RNF19A: variants seen among roughly 807,000 people sequenced by gnomAD.
The protein encoded by RNF19A is ring finger protein 19A, RBR E3 ubiquitin protein ligase.
RNF19A carries 32 observed loss-of-function variants against 75.7 expected under a neutral mutation model. The observed-to-expected ratio is 0.42, with a 90% CI of 0.32 to 0.57. The LOEUF is 0.57. Ranked by LOEUF, RNF19A falls within the 20% of genes least tolerant of loss-of-function variation. The probability of loss-of-function intolerance (pLI) is 0.10; values close to 1 mark genes in which losing one functional copy is unlikely to be tolerated. For missense variants in RNF19A, 782 were observed against 1,036.3 expected (o/e 0.75, Z 3.37); for synonymous variants, 335 against 345.2 (o/e 0.97, Z 0.33).
chr8:100,292,883 T>A (rs570702411), intron 1 of RNF19A, among the ~76,000 whole-genome samples: 1 of 152,320 alleles, frequency 6.6e-6, no homozygotes, highest in East Asian at 1.9e-4. Context: ...TGTTACATAT[T>A]TACTTTCTGG....
intron 1 of RNF19A, among the ~76,000 whole-genome samples, chr8:100,326,142 C>T (rs1822530479): frequency 6.6e-6 from 1 of 152,142 alleles, no homozygotes; most frequent in Admixed American, 6.6e-5. Context: ...TCCAGCCTGG[C>T]TTTCATCACC....
intron 2 of RNF19A, among the ~76,000 whole-genome samples, chr8:100,276,102 T>G (rs186153165): frequency 1.3e-5 from 2 of 152,354 alleles, no homozygotes; most frequent in African/African-American, 4.8e-5. Context: ...TCTTTGGCAT[T>G]TATCCCAAAC....
At chr8:100,311,558 A>G (rs887501813), upstream of RNF19A, among the ~76,000 whole-genome samples, 3 of 151,992 alleles carry the variant, frequency 2.0e-5, no homozygotes, top group South Asian at 6.2e-4. Context: ...CTCTACTAAA[A>G]ATACAAAAAA....
intron 1 of RNF19A, among the ~76,000 whole-genome samples, chr8:100,318,031 C>T (rs1378590150): frequency 6.6e-6 from 1 of 151,896 alleles, no homozygotes; most frequent in East Asian, 1.9e-4. Flanking sequence ...ATGGCTCCTT[C>T]CTCCCCTCAG....
At chr8:100,288,729 G>A (rs144324855) in intron 1 of RNF19A, among the ~76,000 whole-genome samples, 20 of 152,236 alleles carry the variant, frequency 1.3e-4, no homozygotes, top group African/African-American at 4.8e-4. Context: ...CCACAAGGAT[G>A]AATACAAAGA....
chr8:100,316,168 G>A (rs1156755498), intron 1 of RNF19A, among the ~76,000 whole-genome samples: 1 of 151,652 alleles, frequency 6.6e-6, no homozygotes, highest in Non-Finnish European at 1.5e-5. Context: ...TCTTAAGACG[G>A]CGTGTCTGGA....
At chr8:100,298,818 T>A (rs930352964) in intron 1 of RNF19A, among the ~76,000 whole-genome samples, 1 of 152,176 alleles carries the variant, frequency 6.6e-6, no homozygotes, top group East Asian at 1.9e-4. Flanking sequence ...CTCATTCAAT[T>A]TCTCCAATAA....
chr8:100,315,116 C>A (rs1375964690), intron 1 of RNF19A, among the ~76,000 whole-genome samples: 2 of 152,060 alleles, frequency 1.3e-5, no homozygotes, highest in African/African-American at 4.8e-5. Context: ...CATGACAAAA[C>A]CCATCTCTAG....
intron 2 of RNF19A, among the ~76,000 whole-genome samples, chr8:100,283,757 T>A (rs1373447888): frequency 2.0e-5 from 3 of 152,038 alleles, no homozygotes; most frequent in Admixed American, 6.6e-5. Context: ...AAAGAAAAAA[T>A]TCATAATTTC....
At chr8:100,263,939 T>C in intron 7 of RNF19A, 95 bp downstream of exon 7, 2 of 1,020,016 alleles carry the variant, frequency 2.0e-6, no homozygotes, top group South Asian at 1.5e-5. Context: ...AGTAAAAGGA[T>C]GGCAATGGAA....
At chr8:100,316,736 G>A (rs1462952140) in intron 1 of RNF19A, among the ~76,000 whole-genome samples, 1 of 152,258 alleles carries the variant, frequency 6.6e-6, no homozygotes, top group Non-Finnish European at 1.5e-5. Flanking sequence ...CAGGGCTGCA[G>A]TTGGAGCTGC....
At chr8:100,267,677 TC>T (rs1475317621) in intron 5 of RNF19A, among the ~76,000 whole-genome samples, 1 of 128,370 alleles carries the variant, frequency 7.8e-6, no homozygotes, top group Non-Finnish European at 1.7e-5. Flanking sequence ...GCTTGTTAGT[TC>T]TTTTTTTTTT....
chr8:100,281,827 G>T (rs1005591747), intron 2 of RNF19A, among the ~76,000 whole-genome samples: 1 of 152,156 alleles, frequency 6.6e-6, no homozygotes, highest in Non-Finnish European at 1.5e-5. Context: ...AAGGGGAACA[G>T]TCAAGTTTTA....
rs746533244 is a variant in RNF19A at position 100,288,010 on chromosome 8, T to C, written c.165A>G (p.Ser55=). The change falls in exon 2 of 10, where the codon TCA becomes TCG. Residue 55 remains serine, a synonymous_variant. Coordinates refer to ENST00000341084, the MANE Select transcript of RNF19A (RefSeq NM_183419.4). ...QSSASSVSLP[S]VKKAPKKRRI... The stretch of plus-strand genomic sequence containing the variant: ...TTCTTTTTTTGGGTGCCTTTTTGAC[T>C]GAAGGCAAGCTCACAGATGAAGCAG... 24 of 1,614,104 alleles carry C rather than the reference T, an allele frequency of 1.5e-5. No individual in the cohort carries two copies. The highest frequency in any genetic ancestry group is 1.8e-5 in the Non-Finnish European group (21 of 1,180,046).
intron 1 of RNF19A, among the ~76,000 whole-genome samples, chr8:100,306,542 G>A (rs1822069995): frequency 6.6e-6 from 1 of 152,102 alleles, no homozygotes; most frequent in African/African-American, 2.4e-5. Flanking sequence ...GATAAAGAGA[G>A]CAATGCAAGC....
chr8:100,262,750 A>G (rs775727648), intron 7 of RNF19A, among the ~76,000 whole-genome samples: 2 of 152,188 alleles, frequency 1.3e-5, no homozygotes, highest in Non-Finnish European at 2.9e-5. Flanking sequence ...AGCAGTTAAG[A>G]GGCTATTACA....
intron 1 of RNF19A, among the ~76,000 whole-genome samples, chr8:100,293,443 C>T (rs1308222501): frequency 6.6e-6 from 1 of 152,212 alleles, no homozygotes; most frequent in Non-Finnish European, 1.5e-5. Flanking sequence ...CTTCTGGCCT[C>T]CATCGTTTCT....
upstream of RNF19A, chr8:100,310,296 G>T (rs1563870528): frequency 2.1e-6 from 2 of 961,286 alleles, no homozygotes; most frequent in Non-Finnish European, 2.5e-6. Context: ...GAGCCGCCCC[G>T]CTGCACCCGG....
At chr8:100,266,306 T>C (rs1315059290) in intron 5 of RNF19A, among the ~76,000 whole-genome samples, 1 of 152,082 alleles carries the variant, frequency 6.6e-6, no homozygotes, top group Non-Finnish European at 1.5e-5. Flanking sequence ...GGGTACATGT[T>C]TGAAAAAAGG....
Sources: gnomAD v4.1 joint callset for allele counts (sites outside exome capture counted in the v4.1 genomes callset) on GRCh38, gnomAD v4.1.1 for gene constraint, MANE v1.5 for transcripts, NCBI Gene and HGNC (gene_info 2026-07-23, HGNC 2026-07-21) for gene names.